Variants in PLEKHA7 observed in about 807,000 individuals in gnomAD.
PLEKHA7 encodes the protein pleckstrin homology domain-containing family A member 7.
PLEKHA7 carries 104 observed loss-of-function variants against 170.0 expected under a neutral mutation model. The ratio of observed to expected loss-of-function variants is 0.61; its 90% confidence interval spans 0.52 to 0.72. PLEKHA7 has a LOEUF of 0.72. Ranked by LOEUF, PLEKHA7 falls within the 30% of genes least tolerant of loss-of-function variation. The pLI is 0.00. For missense variants in PLEKHA7, 1,615 were observed against 1,671.7 expected, an observed-to-expected ratio of 0.97 and a Z score of 0.59; for synonymous variants, 648 against 660.8, an observed-to-expected ratio of 0.98 and a Z score of 0.30.
intron 3 of PLEKHA7, among the ~76,000 whole-genome samples, chr11:16,928,577 T>C (rs980978161): frequency 6.6e-6 from 1 of 151,996 alleles, no homozygotes; most frequent in African/African-American, 2.4e-5. Context: ...CTCAGTCTTC[T>C]GAGTAGCTGA....
chr11:16,939,862 T>TG (rs1860561749), intron 3 of PLEKHA7, among the ~76,000 whole-genome samples: 1 of 152,148 alleles, frequency 6.6e-6, no homozygotes, highest in Non-Finnish European at 1.5e-5. Flanking sequence ...AAAATGTGTG[T>TG]GGGGTGAAGG....
In PLEKHA7 at chr11:16,817,458, G is replaced by T; in HGVS notation, c.1344-136C>A. 1.2e-6 allele frequency: 1 copy of T among 810,104 alleles called. No individual in the cohort carries two copies. Among genetic ancestry groups the T allele is most frequent in the Non-Finnish European group, 1.8e-6 (1 of 550,574 alleles). The allele number at this position is 810,104 out of a possible 1,614,324, so 50.2% of individuals were successfully genotyped here. A position where few individuals can be genotyped will look rare whatever the true frequency, so the allele number is the denominator to read the frequency against. On this transcript the variant is annotated intron_variant, in intron 10 of 26. Transcript: ENST00000531066. The surrounding 1 kb of genome is among the most constrained non-coding windows in gnomAD (Gnocchi z 4.4). ...GAACCTCAAAAGAATGATCAAGGCC[G>T]ACATCCAGGACTTCAGTCACTTCCC... is the stretch of plus-strand genomic sequence containing the variant.
chr11:16,908,985 C>T (rs774631332), intron 3 of PLEKHA7, among the ~76,000 whole-genome samples: 2 of 152,180 alleles, frequency 1.3e-5, no homozygotes, highest in Non-Finnish European at 2.9e-5. Context: ...ATTTAGGCTT[C>T]ATAAATTGGA....
At chr11:17,008,171 C>A (rs747760771) in intron 3 of PLEKHA7, among the ~76,000 whole-genome samples, 27 of 152,138 alleles carry the variant, frequency 1.8e-4, no homozygotes, top group South Asian at 1.0e-3. Flanking sequence ...AGTACCTACA[C>A]AGGGTGGCTC....
intron 3 of PLEKHA7, among the ~76,000 whole-genome samples, chr11:16,974,336 A>T (rs1254964191): frequency 6.8e-6 from 1 of 147,734 alleles, no homozygotes; most frequent in African/African-American, 2.5e-5. Flanking sequence ...CAATTTCGTC[A>T]TTGGGTGCCA....
intron 10 of PLEKHA7, among the ~76,000 whole-genome samples, chr11:16,819,191 G>A (rs1412989904): frequency 6.6e-6 from 1 of 151,982 alleles, no homozygotes; most frequent in Non-Finnish European, 1.5e-5. Context: ...TCCGCCTCCC[G>A]AGTTCAAGGG....
chr11:17,013,770 C>T (rs773960193), intron 3 of PLEKHA7, among the ~76,000 whole-genome samples: 5 of 152,208 alleles, frequency 3.3e-5, no homozygotes, highest in Non-Finnish European at 7.3e-5. Flanking sequence ...CCTCTTCCCC[C>T]CCGGCCCAGG....
At chr11:16,965,816 G>A (rs1862338797) in intron 3 of PLEKHA7, among the ~76,000 whole-genome samples, 1 of 152,176 alleles carries the variant, frequency 6.6e-6, no homozygotes, top group African/African-American at 2.4e-5. Context: ...TGGCTGTAAG[G>A]AGTAAATGAG....
intron 3 of PLEKHA7, among the ~76,000 whole-genome samples, chr11:16,872,824 A>G (rs747245158): frequency 6.6e-5 from 10 of 151,924 alleles, no homozygotes; most frequent in Non-Finnish European, 8.8e-5. Flanking sequence ...TTTTTTTCAT[A>G]CAACCACTCA....
chr11:16,892,312 A>C (rs994182372), intron 3 of PLEKHA7, among the ~76,000 whole-genome samples: 5 of 152,212 alleles, frequency 3.3e-5, no homozygotes, highest in Non-Finnish European at 5.9e-5. Context: ...ACCAAGGCCC[A>C]GTACAGAGCA....
At chr11:16,884,826 A>T (rs139573142) in intron 3 of PLEKHA7, among the ~76,000 whole-genome samples, 1 of 152,314 alleles carries the variant, frequency 6.6e-6, no homozygotes, top group Admixed American at 6.5e-5. Flanking sequence ...TTATCATCAC[A>T]TCTAACATTT....
intron 17 of PLEKHA7, among the ~76,000 whole-genome samples, chr11:16,797,051 C>A (rs894745417): frequency 6.6e-6 from 1 of 151,336 alleles, no homozygotes; most frequent in African/African-American, 2.4e-5. Flanking sequence ...TTTTATATAT[C>A]AATTAAAAAA....
At chr11:16,939,816 A>G (rs554311031) in intron 3 of PLEKHA7, among the ~76,000 whole-genome samples, 1 of 152,316 alleles carries the variant, frequency 6.6e-6, no homozygotes, top group South Asian at 2.1e-4. Context: ...GGTTTGCTGC[A>G]AAGTTTATGA....
chr11:16,992,111 C>T (rs1004860265), intron 3 of PLEKHA7, among the ~76,000 whole-genome samples: 2 of 152,106 alleles, frequency 1.3e-5, no homozygotes, highest in South Asian at 2.1e-4. Flanking sequence ...CTGGGAGCTG[C>T]GTCTCTGCAG....
intron 8 of PLEKHA7, among the ~76,000 whole-genome samples, chr11:16,848,106 G>A (rs971112055): frequency 2.6e-5 from 4 of 152,180 alleles, no homozygotes; most frequent in Non-Finnish European, 5.9e-5. Flanking sequence ...CAGCAGAAGT[G>A]GAGAGGAGGA....
intron 3 of PLEKHA7, among the ~76,000 whole-genome samples, chr11:16,994,730 T>C (rs1265373835): frequency 6.6e-6 from 1 of 152,144 alleles, no homozygotes; most frequent in East Asian, 1.9e-4. Context: ...CTCCCTTCTG[T>C]CAACCAACAA....
chr11:16,855,717 G>A lies in PLEKHA7; in HGVS notation c.417+86C>T. 4 of 1,013,744 alleles carry A rather than the reference G, an allele frequency of 3.9e-6. No individual in the cohort carries two copies. In the South Asian group the frequency reaches 4.4e-5, roughly 11 times the overall value. 62.8% of individuals were successfully genotyped at this position (1,013,744 alleles called of 1,614,324 possible). A position where few individuals can be genotyped will look rare whatever the true frequency, so the allele number is the denominator to read the frequency against. On this transcript the variant is annotated intron_variant, in intron 5 of 26. Coordinates refer to ENST00000531066, the MANE Select transcript of PLEKHA7 (RefSeq NM_001329630.2). ...TATGGGTCTCTCTCACAAAACTATA[G>A]TGAAGATCAAATGGACTTCTGGTTA...
At chr11:16,918,710 C>T (rs1341807722) in intron 3 of PLEKHA7, among the ~76,000 whole-genome samples, 1 of 152,166 alleles carries the variant, frequency 6.6e-6, no homozygotes, top group Admixed American at 6.5e-5. Flanking sequence ...ACATTAACCA[C>T]ACATTGCTCA....
chr11:16,909,634 A>G (rs1367301951), intron 3 of PLEKHA7, among the ~76,000 whole-genome samples: 1 of 152,208 alleles, frequency 6.6e-6, no homozygotes, highest in African/African-American at 2.4e-5. Context: ...CACCTCAGTC[A>G]TGCTCCCTCT....
Sources: gnomAD v4.1 joint callset for allele counts (sites outside exome capture counted in the v4.1 genomes callset) on GRCh38, gnomAD v4.1.1 for gene constraint, Gnocchi (gnomAD v3.1) non-coding constraint, MANE v1.5 for transcripts, NCBI Gene and HGNC (gene_info 2026-07-23, HGNC 2026-07-21) for gene names.